The following EFNA2 variants were observed in gnomAD, a reference collection of about 807,000 sequenced individuals.
The protein encoded by EFNA2 is ephrin-A2.
Under a neutral mutation model 19.7 loss-of-function variants are expected in EFNA2, and 18 were observed. The observed-to-expected ratio is 0.91, with a 90% CI of 0.63 to 1.35. The LOEUF (loss-of-function observed/expected upper bound fraction) is 1.35, where lower values mean the gene tolerates loss of function less well. EFNA2 is among the 40% of genes most tolerant of loss of function. The probability of loss-of-function intolerance (pLI) is 0.00; values close to 1 mark genes in which losing one functional copy is unlikely to be tolerated. For missense variants in EFNA2, 303 were observed against 296.0 expected (o/e 1.02, Z -0.17); for synonymous variants, 187 against 137.8 (o/e 1.36, Z -2.50).
At chr19:1,285,385 C>T (rs2081458448), upstream of EFNA2, among the ~76,000 whole-genome samples, 1 of 152,196 alleles carries the variant, frequency 6.6e-6, no homozygotes, top group African/African-American at 2.4e-5. The surrounding 1 kb of genome is among the most constrained non-coding windows in gnomAD (Gnocchi z 4.1). Context: ...CTTACTCCAT[C>T]CCCAGGGAAC....
chr19:1,289,434 G>T (rs1019102273), intron 1 of EFNA2, among the ~76,000 whole-genome samples: 1 of 152,202 alleles, frequency 6.6e-6, no homozygotes, highest in African/African-American at 2.4e-5. Flanking sequence ...TGGGGGCAGT[G>T]GTGGCCCCAG....
At chr19:1,299,727 G>A (rs903102833) in intron 3 of EFNA2, 97 bp from the exon 4 acceptor site, 8 of 1,446,720 alleles carry the variant, frequency 5.5e-6, no homozygotes, top group South Asian at 4.2e-5. Flanking sequence ...GGGGTGATGA[G>A]CCCGTTGGGC....
rs1359329818 is a variant in EFNA2 at position 1,295,748 on chromosome 19, A to G, written c.344A>G (p.Asn115Ser). 2 of 1,605,348 alleles carry G rather than the reference A, an allele frequency of 1.2e-6. No individual in the cohort carries two copies. The highest frequency in any genetic ancestry group is 1.7e-6 in the Non-Finnish European group (2 of 1,176,960). ...CGCGGCTTCAAGCGCTGGGAGTGCAACCGGCCCGCGGCGCCCGGGGGGCCG... is the reference window on the plus strand; with the variant it reads ...CGCGGCTTCAAGCGCTGGGAGTGCAGCCGGCCCGCGGCGCCCGGGGGGCCG... ...RQRGFKRWEC[N>S]RPAAPGGPLK... The change falls in exon 2 of 4, where the codon AAC (asparagine) becomes AGC (serine). Residue 115 changes from asparagine to serine, a missense_variant. Physicochemically the swap from Asn to Ser is conservative, Grantham distance 46 (BLOSUM62 1). Coordinates refer to ENST00000215368, the MANE Select transcript of EFNA2 (RefSeq NM_001405.4). The surrounding 1 kb of genome is among the most constrained non-coding windows in gnomAD (Gnocchi z 5.8).
chr19:1,296,037 G>C lies in EFNA2; in HGVS notation c.454+179G>C, dbSNP rs113917695. 6.8e-6 allele frequency among the ~76,000 whole-genome samples: 1 copy of C among 147,792 alleles called. No homozygotes were observed. Among genetic ancestry groups the C allele is most frequent in the East Asian group, 2.0e-4 (1 of 4,968 alleles). On this transcript the variant is annotated intron_variant, in intron 2 of 3. Coordinates refer to ENST00000215368, the MANE Select transcript of EFNA2 (RefSeq NM_001405.4). The surrounding 1 kb of genome is among the most constrained non-coding windows in gnomAD (Gnocchi z 4.4). Reference sequence around the variant, plus strand: ...GGGGCCGCGGAATGGGGCCAGGGGGGAGTGGGCGGGGCCGCGGAGTGGGGC... The same window carrying C: ...GGGGCCGCGGAATGGGGCCAGGGGGCAGTGGGCGGGGCCGCGGAGTGGGGC...
In EFNA2 at chr19:1,285,975, G is replaced by A. The variant is rs991815613; in HGVS notation, c.-194G>A. ...CGGGGCGACCCCGGCGCCCCGCCCC[G>A]CCGCCGCCTGACTTCTCGGCGCCCG... On this transcript the variant is annotated 5_prime_UTR_variant, in exon 1 of 4. Transcript: ENST00000215368. This position sits in a 1 kb window ranked among gnomAD's most constrained non-coding sequence, Gnocchi z 4.1. Among the ~76,000 whole-genome samples, 3 of 145,030 alleles carry A rather than the reference G, an allele frequency of 2.1e-5. No homozygotes were observed. The highest frequency in any genetic ancestry group is 4.6e-5 in the Non-Finnish European group (3 of 65,392).
rs1209431415 is a variant in EFNA2, at chr19:1,295,636, G to A, written c.232G>A (p.Ala78Thr). The A allele has an allele frequency of 6.2e-7, 1 of 1,611,548 alleles. No homozygotes were observed. Among genetic ancestry groups the A allele is most frequent in the South Asian group, 1.1e-5 (1 of 90,858 alleles). The change falls in exon 2 of 4, where the codon GCG (alanine) becomes ACG (threonine). Residue 78 changes from alanine (A) to threonine (T), a missense_variant. Ala to Thr is a moderately conservative substitution (Grantham distance 58). Transcript: ENST00000215368. The surrounding 1 kb of genome is among the most constrained non-coding windows in gnomAD (Gnocchi z 5.8). ...GGACATCTACTGCCCGCACTATGGG[G>A]CGCCGCTGCCGCCGGCCGAGCGCAT... Reference protein sequence around the residue: ...YLDIYCPHYGAPLPPAERMEH... With the variant: ...YLDIYCPHYGTPLPPAERMEH...
rs748228785 is a variant in EFNA2, at chr19:1,295,784, CGGA to C, written c.382_384del (p.Glu128del). 2.5e-6 allele frequency: 4 copies of C among 1,607,650 alleles called. No individual in the cohort carries two copies. Among genetic ancestry groups the C allele is most frequent in the East Asian group, 2.2e-5 (1 of 44,568 alleles). On this transcript the variant is annotated inframe_deletion, in exon 2 of 4. Transcript: ENST00000215368. This position sits in a 1 kb window ranked among gnomAD's most constrained non-coding sequence, Gnocchi z 5.8. Reference sequence around the variant, plus strand: ...GCGCCCGGGGGGCCGCTCAAGTTCTCGGAGAAGTTCCAGCTCTTCACGCCCTTC... The same window carrying C: ...GCGCCCGGGGGGCCGCTCAAGTTCTCGAAGTTCCAGCTCTTCACGCCCTTC...
At chr19:1,299,361 G>A (rs566143984) in intron 3 of EFNA2, among the ~76,000 whole-genome samples, 45 of 152,128 alleles carry the variant, frequency 3.0e-4, no homozygotes, top group African/African-American at 1.0e-3. Context: ...GATGGAGACC[G>A]TCCTGGCCAA....
chr19:1,288,387 G>A (rs1301518498), intron 1 of EFNA2, among the ~76,000 whole-genome samples: 1 of 152,202 alleles, frequency 6.6e-6, no homozygotes, highest in Non-Finnish European at 1.5e-5. Flanking sequence ...AGGGGACATC[G>A]GCTTGGGGAG....
Position 1,295,501 on chromosome 19 carries a change from T to G in EFNA2, c.141-44T>G, listed in dbSNP as rs2081509784. The stretch of plus-strand genomic sequence containing the variant: ...CCCGCGCACCCCGACCCGTGCCCCG[T>G]TCCTCGCTCCGGGCGCTGACCTCTG... On this transcript the variant is annotated intron_variant, in intron 1 of 3. Transcript: ENST00000215368. The surrounding 1 kb of genome is among the most constrained non-coding windows in gnomAD (Gnocchi z 5.8). The G allele has an allele frequency of 6.7e-7, 1 of 1,493,560 alleles. No homozygotes were observed. The allele number at this position is 1,493,560 out of a possible 1,614,324, so 92.5% of individuals were successfully genotyped here.
Position 1,300,487 on chromosome 19 carries a change from A to G in EFNA2, c.*542A>G, listed in dbSNP as rs2081537522. Among the ~76,000 whole-genome samples, 1 of 147,768 alleles carries G rather than the reference A, an allele frequency of 6.8e-6. No individual in the cohort carries two copies. Among genetic ancestry groups the G allele is most frequent in the African/African-American group, 2.5e-5 (1 of 40,536 alleles). ...CTGCTCTGCACCCCACTCGTGGGGG[A>G]ACACAGCCGCTCCCCTCTGCTCTGC... On this transcript the variant is annotated 3_prime_UTR_variant, in exon 4 of 4. Transcript: ENST00000215368.
rs1174624697 is a variant in EFNA2 at position 1,300,271 on chromosome 19, T to C, written c.*326T>C. On this transcript the variant is annotated 3_prime_UTR_variant, in exon 4 of 4. Coordinates refer to ENST00000215368, the MANE Select transcript of EFNA2 (RefSeq NM_001405.4). Reference sequence around the variant, plus strand: ...TTTTTTTTTTTTTTTTTTTTTTTTTTTTTTTAGTGTATTTTTCGTGGTTGG... The same window carrying C: ...TTTTTTTTTTTTTTTTTTTTTTTTTCTTTTTAGTGTATTTTTCGTGGTTGG... The C allele has an allele frequency of 5.1e-6, 1 of 194,254 alleles. No homozygotes were observed. Among genetic ancestry groups the C allele is most frequent in the Non-Finnish European group, 9.8e-6 (1 of 101,790 alleles). 12.0% of individuals were successfully genotyped at this position (194,254 alleles called of 1,614,324 possible).
rs1311387913 is a variant in EFNA2, at chr19:1,297,385, C to T, written c.455-1166C>T. Among the ~76,000 whole-genome samples the T allele has an allele frequency of 6.6e-6, 1 of 152,128 alleles. No individual in the cohort carries two copies. The highest frequency in any genetic ancestry group is 1.5e-5 in the Non-Finnish European group (1 of 68,000). On this transcript the variant is annotated intron_variant, in intron 2 of 3. Coordinates refer to ENST00000215368, the MANE Select transcript of EFNA2 (RefSeq NM_001405.4). The surrounding 1 kb of genome is among the most constrained non-coding windows in gnomAD (Gnocchi z 5.0). ...ATAATATGAGAAAAATTACATTTTT[C>T]TTTCTGAGACGGCAGTTTCATAAAG...
At chr19:1,292,523 G>A (rs1201590141) in intron 1 of EFNA2, among the ~76,000 whole-genome samples, 2 of 152,376 alleles carry the variant, frequency 1.3e-5, no homozygotes, top group Admixed American at 1.3e-4. Context: ...GTAAAGAGCA[G>A]ATGTGATATG....
upstream of EFNA2, among the ~76,000 whole-genome samples, chr19:1,285,806 C>G (rs2081460642): frequency 6.7e-6 from 1 of 148,684 alleles, no homozygotes; most frequent in Non-Finnish European, 1.5e-5. The surrounding 1 kb of genome is among the most constrained non-coding windows in gnomAD (Gnocchi z 4.1). Flanking sequence ...GCCCAGTCCC[C>G]GCGCGGCCGG....
In EFNA2 at chr19:1,296,547, C is replaced by G. The variant is rs11879883; in HGVS notation, c.454+689C>G. Reference sequence around the variant, plus strand: ...AGGTGTGGTGGCATGGGCCTGTGGTCCCAGCTGTGCAGGGGGCTGAGGTGG... The same window carrying G: ...AGGTGTGGTGGCATGGGCCTGTGGTGCCAGCTGTGCAGGGGGCTGAGGTGG... On this transcript the variant is annotated intron_variant, in intron 2 of 3. Coordinates refer to ENST00000215368, the MANE Select transcript of EFNA2 (RefSeq NM_001405.4). The surrounding 1 kb of genome is among the most constrained non-coding windows in gnomAD (Gnocchi z 4.4). 3.6e-3 allele frequency among the ~76,000 whole-genome samples: 549 copies of G among 152,312 alleles called. 2 individuals carry two copies. Among genetic ancestry groups the G allele is most frequent in the African/African-American group, 0.013 (527 of 41,562 alleles).
At position 1,298,535 on chromosome 19, in the gene EFNA2, A is replaced by G. The variant is rs764224408; in HGVS notation, c.455-16A>G. ...AAGAGGCACTTCCCCACTCATCCCC[A>G]TCCCCTCTCTTCTAGCTGCCACGCC... On this transcript the variant is annotated splice_polypyrimidine_tract_variant and intron_variant, in intron 2 of 3. Coordinates refer to ENST00000215368, the MANE Select transcript of EFNA2 (RefSeq NM_001405.4). 6.2e-7 allele frequency: 1 copy of G among 1,613,492 alleles called. No individual in the cohort carries two copies. The highest frequency in any genetic ancestry group is 1.1e-5 in the South Asian group (1 of 90,936).
In EFNA2 at chr19:1,286,244, G is replaced by A. The variant is rs1419322991; in HGVS notation, c.76G>A (p.Ala26Thr). 2 of 1,128,970 alleles carry A rather than the reference G, an allele frequency of 1.8e-6. No homozygotes were observed. Among genetic ancestry groups the A allele is most frequent in the Non-Finnish European group, 1.1e-6 (1 of 907,456 alleles). The allele number at this position is 1,128,970 out of a possible 1,614,324, so 69.9% of individuals were successfully genotyped here. A position where few individuals can be genotyped will look rare whatever the true frequency, so the allele number is the denominator to read the frequency against. The change falls in exon 1 of 4, where the codon GCC becomes ACC. Residue 26 changes from alanine (A) to threonine (T), a missense_variant. Transcript: ENST00000215368. This position sits in a 1 kb window ranked among gnomAD's most constrained non-coding sequence, Gnocchi z 5.6. ...GCTGCCGCCGCCGCCCTTCGCGCGC[G>A]CCGAGGACGCCGCCCGCGCCAACTC... Reference protein sequence around the residue: ...LPLPPPPFARAEDAARANSDR... With the variant: ...LPLPPPPFARTEDAARANSDR...
In EFNA2 at chr19:1,286,255, C is replaced by A; in HGVS notation, c.87C>A (p.Ala29=). The A allele has an allele frequency of 8.9e-7, 1 of 1,128,236 alleles. No individual in the cohort carries two copies. Among genetic ancestry groups the A allele is most frequent in the Non-Finnish European group, 1.1e-6 (1 of 906,816 alleles). The allele number at this position is 1,128,236 out of a possible 1,614,324, so 69.9% of individuals were successfully genotyped here. ...PPPPFARAED[A]ARANSDRYAV... is the part of the protein sequence containing the mutation. ...CGCCCTTCGCGCGCGCCGAGGACGC[C>A]GCCCGCGCCAACTCGGACCGCTACG... The change falls in exon 1 of 4, where the codon GCC becomes GCA. Residue 29 remains alanine (A), a synonymous_variant. Coordinates refer to ENST00000215368, the MANE Select transcript of EFNA2 (RefSeq NM_001405.4). The surrounding 1 kb of genome is among the most constrained non-coding windows in gnomAD (Gnocchi z 5.6).
Sources: gnomAD v4.1 joint callset for allele counts (sites outside exome capture counted in the v4.1 genomes callset) on GRCh38, gnomAD v4.1.1 for gene constraint, Gnocchi (gnomAD v3.1) non-coding constraint, MANE v1.5 for transcripts, NCBI Gene and HGNC (gene_info 2026-07-23, HGNC 2026-07-21) for gene names.